The following ZFHX3 variants were observed in gnomAD, a reference collection of about 807,000 sequenced individuals.
ZFHX3 encodes the protein zinc finger homeobox 3, also known as zinc finger homeobox protein 3.
In ZFHX3, 42 loss-of-function variants were observed where a neutral mutation model predicts 279.1. The ratio of observed to expected loss-of-function variants is 0.15; its 90% confidence interval spans 0.12 to 0.19. The LOEUF (loss-of-function observed/expected upper bound fraction) is 0.19, where lower values mean the gene tolerates loss of function less well. ZFHX3 is among the 10% of genes least tolerant of loss of function. The probability of loss-of-function intolerance (pLI) is 1.00; values close to 1 mark genes in which losing one functional copy is unlikely to be tolerated. For missense variants in ZFHX3, 4,981 were observed against 4,754.0 expected (o/e 1.05, Z -1.40); for synonymous variants, 2,293 against 1,957.8 (o/e 1.17, Z -4.52).
rs921168471 is a variant in ZFHX3, at chr16:72,921,615, A to G, written c.3216+28854T>C. ...GTACGGTGAGAAGCATGATGGAGAC[A>G]GTTGGCGTGGCCTCGCCTTCCCCCA... is the stretch of plus-strand genomic sequence containing the variant. On this transcript the variant is annotated intron_variant, in intron 3 of 9. Coordinates refer to ENST00000268489, the MANE Select transcript of ZFHX3 (RefSeq NM_006885.4). Among the ~76,000 whole-genome samples, 4 of 152,234 alleles carry G rather than the reference A, an allele frequency of 2.6e-5. No individual in the cohort carries two copies. In the East Asian group the frequency reaches 5.8e-4, roughly 22 times the overall value.
chr16:73,087,521 A>G (rs1433162460), intron 8 of ZFHX3, among the ~76,000 whole-genome samples: 1 of 152,220 alleles, frequency 6.6e-6, no homozygotes, highest in Admixed American at 6.5e-5. Flanking sequence ...CCAGTTTTAG[A>G]TATCACAGGG....
chr16:73,662,390 C>T (rs928513105), intron 2 of ZFHX3, among the ~76,000 whole-genome samples: 7 of 152,100 alleles, frequency 4.6e-5, no homozygotes, highest in African/African-American at 1.7e-4. Flanking sequence ...TCCCTTATTT[C>T]TCATTAGATG....
intron 2 of ZFHX3, among the ~76,000 whole-genome samples, chr16:73,556,844 C>G (rs1345491123): frequency 6.6e-6 from 1 of 151,452 alleles, no homozygotes; most frequent in Non-Finnish European, 1.5e-5. Context: ...GCCTGTAATC[C>G]CAGCACTTTG....
At chr16:73,090,256 G>A in intron 8 of ZFHX3, among the ~76,000 whole-genome samples, 2 of 152,098 alleles carry the variant, frequency 1.3e-5, no homozygotes, top group East Asian at 3.9e-4. Context: ...TAGCCAGCAT[G>A]GTGGCATGCG....
chr16:72,925,292 G>A (rs1026261258), intron 3 of ZFHX3, among the ~76,000 whole-genome samples: 1 of 152,220 alleles, frequency 6.6e-6, no homozygotes, highest in African/African-American at 2.4e-5. Flanking sequence ...CAATGCAGCT[G>A]TAGAGTGAGT....
intron 2 of ZFHX3, among the ~76,000 whole-genome samples, chr16:73,673,000 T>C (rs1354934439): frequency 2.0e-5 from 3 of 152,172 alleles, no homozygotes; most frequent in Non-Finnish European, 4.4e-5. Flanking sequence ...CATAAATGGA[T>C]CTTGGAAACA....
intron 3 of ZFHX3, among the ~76,000 whole-genome samples, chr16:73,446,726 C>A (rs1297885908): frequency 2.0e-5 from 3 of 152,024 alleles, no homozygotes; most frequent in Non-Finnish European, 4.4e-5. Context: ...TATACTGGGG[C>A]CTACCGGAGA....
chr16:73,400,131 T>C (rs2017220197), intron 3 of ZFHX3: 1 of 151,706 alleles, frequency 6.6e-6, no homozygotes, highest in African/African-American at 2.4e-5. Context: ...TTGTTGTTGT[T>C]GTTTCAGATG....
In ZFHX3 at chr16:73,786,140, G is replaced by T. The variant is rs529080646; in HGVS notation, c.-1608+105511C>A. Among the ~76,000 whole-genome samples, 28 of 152,042 alleles carry T rather than the reference G, an allele frequency of 1.8e-4. No homozygotes were observed. The South Asian group carries it at 5.6e-3, about 30-fold the overall frequency. On this transcript the variant is annotated intron_variant, in intron 1 of 17. Coordinates refer to the ZFHX3 transcript ENST00000641206. ...CCTGCCTTGGCCTCCCAAAGTGCTG[G>T]GATTACAGGTGTGAGCCACCGTGCC...
chr16:73,839,714 A>G (rs1204137569), intron 1 of ZFHX3, among the ~76,000 whole-genome samples: 2 of 152,182 alleles, frequency 1.3e-5, no homozygotes, highest in African/African-American at 4.8e-5. Flanking sequence ...AAGCACTGAA[A>G]TGGTTCCTCC....
At chr16:73,727,983 A>T (rs1482443636) in intron 1 of ZFHX3, among the ~76,000 whole-genome samples, 3 of 146,714 alleles carry the variant, frequency 2.0e-5, no homozygotes, top group Non-Finnish European at 4.5e-5. Context: ...TTAGAAATTC[A>T]GCTCCTTGGT....
In ZFHX3 at chr16:72,896,366, A is replaced by G. The variant is rs542438569; in HGVS notation, c.3217-6404T>C. ...GACACGAAAACATCTCACGGCCCCC[A>G]TCTGTCTCTGTGCCTTCCCTTCTAG... On this transcript the variant is annotated intron_variant, in intron 3 of 9. Transcript: ENST00000268489. Among the ~76,000 whole-genome samples, 160 of 152,316 alleles carry G rather than the reference A, an allele frequency of 1.1e-3. 1 individual carries two copies. Among genetic ancestry groups the G allele is most frequent in the African/African-American group, 3.7e-3 (152 of 41,564 alleles).
At chr16:73,108,853 A>T (rs534857098) in intron 7 of ZFHX3, among the ~76,000 whole-genome samples, 4 of 152,194 alleles carry the variant, frequency 2.6e-5, no homozygotes, top group Non-Finnish European at 5.9e-5. Context: ...CTCAGTAATG[A>T]CCCTGCCTGC....
intron 1 of ZFHX3, among the ~76,000 whole-genome samples, chr16:73,780,037 A>G (rs1286089179): frequency 7.1e-6 from 1 of 140,598 alleles, no homozygotes; most frequent in Non-Finnish European, 1.5e-5. Flanking sequence ...AGCGCAGACT[A>G]TGAAGTCATG....
At chr16:73,855,244 A>G (rs1961697586) in intron 1 of ZFHX3, among the ~76,000 whole-genome samples, 1 of 137,904 alleles carries the variant, frequency 7.3e-6, no homozygotes, top group Non-Finnish European at 1.5e-5. Context: ...TTTTTTGTCA[A>G]ATGCCATTCG....
intron 2 of ZFHX3, among the ~76,000 whole-genome samples, chr16:73,614,384 T>C (rs1012254232): frequency 6.6e-5 from 10 of 152,240 alleles, no homozygotes; most frequent in Non-Finnish European, 1.5e-4. Context: ...ATAGAGCTTC[T>C]TATTTTGAAC....
chr16:73,386,626 C>T (rs2016907385), intron 3 of ZFHX3, among the ~76,000 whole-genome samples: 2 of 152,082 alleles, frequency 1.3e-5, no homozygotes, highest in African/African-American at 4.8e-5. Context: ...ATTTCAGCCT[C>T]AGCGACAGAC....
chr16:73,525,046 G>A (rs980710473), intron 2 of ZFHX3, among the ~76,000 whole-genome samples: 1 of 152,014 alleles, frequency 6.6e-6, no homozygotes, highest in African/African-American at 2.4e-5. Flanking sequence ...AAAGACACAA[G>A]GAAAAAAAAT....
At chr16:73,013,119 C>G (rs1963971452) in intron 1 of ZFHX3, among the ~76,000 whole-genome samples, 1 of 152,116 alleles carries the variant, frequency 6.6e-6, no homozygotes. Context: ...AGGGGCTGTA[C>G]AAGAAGGGCA....
Sources: allele counts gnomAD v4.1 joint callset (sites outside exome capture counted in the v4.1 genomes callset), GRCh38; gene constraint gnomAD v4.1.1; transcripts MANE v1.5; gene names NCBI Gene and HGNC (gene_info 2026-07-23, HGNC 2026-07-21).